SNX29: variants seen among roughly 807,000 people sequenced by gnomAD.
SNX29 encodes the protein sorting nexin 29.
Under a neutral mutation model 102.1 loss-of-function variants are expected in SNX29, and 78 were observed. The ratio of observed to expected loss-of-function variants is 0.76; its 90% CI spans 0.64 to 0.92. The LOEUF is 0.92. Ranked by LOEUF, SNX29 falls within the 40% of genes least tolerant of loss-of-function variation. SNX29 has a pLI of 0.00. For synonymous variants in SNX29, 580 were observed against 414.5 expected (o/e 1.40, Z -4.85); for missense variants, 1,280 against 1,061.7 (o/e 1.21, Z -2.86).
At chr16:12,067,166 C>G (rs2051076800) in intron 9 of SNX29, among the ~76,000 whole-genome samples, 1 of 151,906 alleles carries the variant, frequency 6.6e-6, no homozygotes, top group South Asian at 2.1e-4. Context: ...GCCTGGGTGA[C>G]AGGAAAACCC....
At chr16:12,562,709 C>T (rs529474787) in intron 20 of SNX29, among the ~76,000 whole-genome samples, 1 of 152,210 alleles carries the variant, frequency 6.6e-6, no homozygotes. Context: ...GAGATTGAAG[C>T]CTACCGTGGT....
intron 13 of SNX29, among the ~76,000 whole-genome samples, chr16:12,184,367 G>A (rs1596456651): frequency 2.0e-5 from 3 of 152,326 alleles, no homozygotes; most frequent in South Asian, 4.1e-4. Flanking sequence ...GCCATGCACC[G>A]TGCTGAATGT....
chr16:12,471,582 C>A (rs1158769963), intron 18 of SNX29, among the ~76,000 whole-genome samples: 1 of 152,206 alleles, frequency 6.6e-6, no homozygotes, highest in Non-Finnish European at 1.5e-5. Context: ...TGGATGTGTA[C>A]CCACAGAGCC....
intron 1 of SNX29, among the ~76,000 whole-genome samples, chr16:11,990,105 CA>C (rs1220967980): frequency 2.0e-5 from 3 of 152,198 alleles, no homozygotes; most frequent in Non-Finnish European, 4.4e-5. Context: ...GGCCAGCCCC[CA>C]CCTTCCAGGT....
intron 20 of SNX29, among the ~76,000 whole-genome samples, chr16:12,526,317 G>T (rs1226219525): frequency 2.0e-5 from 3 of 152,124 alleles, no homozygotes; most frequent in African/African-American, 7.2e-5. Flanking sequence ...TGTCTGTGGG[G>T]TGTGCCCAGC....
At chr16:12,009,221 A>T (rs78219841) in intron 3 of SNX29, among the ~76,000 whole-genome samples, 1,830 of 152,250 alleles carry the variant, frequency 0.012, 39 homozygotes, top group African/African-American at 0.041. Flanking sequence ...CCTTACACCG[A>T]AAAAAAGCTG....
At position 12,321,082 on chromosome 16, in the gene SNX29, G is replaced by C. The variant is rs969405456; in HGVS notation, c.1783-35081G>C. Reference sequence around the variant, plus strand: ...CCAGGAGGTCCTTACCACCATCCCGGTTCCCTCCGCTGCCTCCTCCAGGTC... The same window carrying C: ...CCAGGAGGTCCTTACCACCATCCCGCTTCCCTCCGCTGCCTCCTCCAGGTC... On this transcript the variant is annotated intron_variant, in intron 15 of 20. Transcript: ENST00000566228. 3.3e-5 allele frequency among the ~76,000 whole-genome samples: 5 copies of C among 152,084 alleles called. No individual in the cohort carries two copies. In the South Asian group the frequency reaches 1.0e-3, roughly 32 times the overall value.
At chr16:12,495,238 A>G (rs1172340631) in intron 19 of SNX29, among the ~76,000 whole-genome samples, 2 of 150,814 alleles carry the variant, frequency 1.3e-5, no homozygotes, top group Non-Finnish European at 3.0e-5. Context: ...TGCACCCTCT[A>G]CCTCCCAGGT....
intron 13 of SNX29, among the ~76,000 whole-genome samples, chr16:12,145,078 C>T (rs2055011097): frequency 6.6e-6 from 1 of 152,112 alleles, no homozygotes; most frequent in Non-Finnish European, 1.5e-5. Flanking sequence ...CACTGTTCTG[C>T]AACTTGGTTT....
At chr16:12,554,211 A>G (rs933141068) in intron 20 of SNX29, among the ~76,000 whole-genome samples, 4 of 152,244 alleles carry the variant, frequency 2.6e-5, no homozygotes, top group Admixed American at 6.5e-5. Context: ...CGATGAGCAT[A>G]TATAGAGCAA....
At chr16:12,252,611 C>G (rs1005465704) in intron 14 of SNX29, among the ~76,000 whole-genome samples, 2 of 152,252 alleles carry the variant, frequency 1.3e-5, no homozygotes, top group Non-Finnish European at 2.9e-5. Flanking sequence ...TTTCCCGGTT[C>G]CATCAGTGCC....
chr16:12,193,345 C>T (rs1034511312), intron 13 of SNX29, among the ~76,000 whole-genome samples: 6 of 151,730 alleles, frequency 4.0e-5, no homozygotes, highest in Admixed American at 2.0e-4. Flanking sequence ...TGGTGGGTGC[C>T]GGTAATCCCA....
intron 11 of SNX29, among the ~76,000 whole-genome samples, chr16:12,110,302 A>G (rs1335441054): frequency 1.3e-5 from 2 of 152,078 alleles, no homozygotes; most frequent in Non-Finnish European, 2.9e-5. Context: ...CCTTCCTCCC[A>G]TGTGTCTAAC....
At chr16:12,146,454 TGG>T (rs987947153) in intron 13 of SNX29, among the ~76,000 whole-genome samples, 2 of 152,078 alleles carry the variant, frequency 1.3e-5, no homozygotes, top group Admixed American at 1.3e-4. Context: ...TTAATAGAGA[TGG>T]GGTTTTGCCA....
At chr16:12,081,674 C>G (rs1352832768) in intron 11 of SNX29, 1 of 95,388 alleles carries the variant, frequency 1.0e-5, no homozygotes, top group Non-Finnish European at 2.0e-5. Flanking sequence ...CTCTTTGTCT[C>G]AAAAAAAAAA....
At position 12,272,881 on chromosome 16, in the gene SNX29, G is replaced by T. The variant is rs147898045; in HGVS notation, c.1679-5052G>T. 3.1e-4 allele frequency among the ~76,000 whole-genome samples: 47 copies of T among 152,180 alleles called. 1 individual carries two copies. Among genetic ancestry groups the T allele is most frequent in the African/African-American group, 1.1e-3 (46 of 41,518 alleles). On this transcript the variant is annotated intron_variant, in intron 14 of 20. Transcript: ENST00000566228. Reference sequence around the variant, plus strand: ...TTGGAATTACTTATTTCTCATCGTGGAAGAGGAAGGGTAACTGTCTTTGAC... The same window carrying T: ...TTGGAATTACTTATTTCTCATCGTGTAAGAGGAAGGGTAACTGTCTTTGAC...
Position 12,181,205 on chromosome 16 carries a change from T to A in SNX29, c.1596-18396T>A, listed in dbSNP as rs1422687355. Among the ~76,000 whole-genome samples the A allele has an allele frequency of 2.0e-5, 3 of 152,226 alleles. No individual in the cohort carries two copies. The East Asian group carries it at 5.8e-4, about 29-fold the overall frequency. On this transcript the variant is annotated intron_variant, in intron 13 of 20. Transcript: ENST00000566228. ...CCCGAATATCTGAGACAGGCCTCAG[T>A]TAATTTAGAAAGTTTATTTTGCTAA...
At chr16:12,301,621 C>T (rs543803233) in intron 15 of SNX29, among the ~76,000 whole-genome samples, 8 of 152,346 alleles carry the variant, frequency 5.3e-5, no homozygotes, top group Non-Finnish European at 8.8e-5. Flanking sequence ...TCGATTACGT[C>T]GTTGTTGGCT....
intron 18 of SNX29, among the ~76,000 whole-genome samples, chr16:12,451,780 C>T (rs2086309772): frequency 6.6e-6 from 1 of 152,206 alleles, no homozygotes; most frequent in Non-Finnish European, 1.5e-5. Context: ...AGCAGAATCG[C>T]TTGAACCTGG....
Sources: gnomAD v4.1 joint callset for allele counts (sites outside exome capture counted in the v4.1 genomes callset) on GRCh38, gnomAD v4.1.1 for gene constraint, MANE v1.5 for transcripts, NCBI Gene and HGNC (gene_info 2026-07-23, HGNC 2026-07-21) for gene names.